AFG2A: variants seen among roughly 807,000 people sequenced by gnomAD.
AFG2A encodes the protein ATPase family gene 2 protein homolog A.
At chr4:123,007,650 C>CAG in the AFG2A span, among the ~76,000 whole-genome samples, 15 of 48,640 alleles carry the variant, frequency 3.1e-4, no homozygotes, top group Admixed American at 6.5e-4. Context: ...ACAACACACA[C>CAG]ACACACACAC....
the AFG2A span, chr4:122,929,118 G>T: frequency 7.0e-5 from 113 of 1,613,596 alleles, no homozygotes; most frequent in African/African-American, 1.3e-3. Flanking sequence ...AAATGTGGGT[G>T]TGAGGCCTGG....
At chr4:122,990,691 C>T in the AFG2A span, among the ~76,000 whole-genome samples, 1 of 152,100 alleles carries the variant, frequency 6.6e-6, no homozygotes, top group Admixed American at 6.5e-5. Context: ...TCTGCTCAAA[C>T]GATCCTCCTG....
At chr4:123,141,007 C>G in the AFG2A span, among the ~76,000 whole-genome samples, 1 of 152,032 alleles carries the variant, frequency 6.6e-6, no homozygotes, top group Non-Finnish European at 1.5e-5. Context: ...TAGAATATAA[C>G]ACACAATTTT....
the AFG2A span, among the ~76,000 whole-genome samples, chr4:123,289,381 A>G: frequency 6.6e-6 from 1 of 152,154 alleles, no homozygotes; most frequent in Non-Finnish European, 1.5e-5. Flanking sequence ...ATTCCATGGT[A>G]TATATACCAC....
chr4:122,977,744 T>G, the AFG2A span, among the ~76,000 whole-genome samples: 1 of 152,226 alleles, frequency 6.6e-6, no homozygotes, highest in Non-Finnish European at 1.5e-5. Context: ...TGTGGACAGC[T>G]GGAGGGTGAG....
At chr4:122,930,201 ATTGT>A in the AFG2A span, among the ~76,000 whole-genome samples, 6 of 152,348 alleles carry the variant, frequency 3.9e-5, 1 homozygote, top group Admixed American at 3.9e-4. Context: ...CCACAGGGTA[ATTGT>A]TTGAATCTAC....
At chr4:122,933,583 A>G in the AFG2A span, 11 of 985,692 alleles carry the variant, frequency 1.1e-5, no homozygotes, top group African/African-American at 9.9e-5. Flanking sequence ...TTATATATGC[A>G]TAGTAGTTTT....
At chr4:123,259,970 A>G in the AFG2A span, 3 of 152,152 alleles carry the variant, frequency 2.0e-5, no homozygotes, top group Non-Finnish European at 4.4e-5. Flanking sequence ...GGGATCACCA[A>G]TTTGTGAGGG....
At chr4:123,125,465 T>C in the AFG2A span, among the ~76,000 whole-genome samples, 67 of 152,340 alleles carry the variant, frequency 4.4e-4, no homozygotes, top group African/African-American at 1.6e-3. Context: ...TTGTTCCATC[T>C]AGTTTCTGTA....
chr4:122,954,386 C>T, the AFG2A span, among the ~76,000 whole-genome samples: 1 of 152,204 alleles, frequency 6.6e-6, no homozygotes, highest in Non-Finnish European at 1.5e-5. Flanking sequence ...TACCATCTTT[C>T]AGGCAGAGAC....
chr4:123,171,387 G>A, the AFG2A span, among the ~76,000 whole-genome samples: 7 of 151,840 alleles, frequency 4.6e-5, no homozygotes, highest in Non-Finnish European at 8.8e-5. Context: ...AAGCAGATAA[G>A]GTAAAAGCAC....
the AFG2A span, among the ~76,000 whole-genome samples, chr4:122,961,063 A>G: frequency 5.3e-5 from 8 of 152,180 alleles, no homozygotes; most frequent in Admixed American, 2.0e-4. Context: ...GCTGATAAAC[A>G]TTGAGCAAGC....
the AFG2A span, among the ~76,000 whole-genome samples, chr4:123,192,143 C>T: frequency 6.6e-6 from 1 of 152,008 alleles, no homozygotes; most frequent in African/African-American, 2.4e-5. Context: ...TCTCGTGCCT[C>T]AGCTTCCTGA....
At chr4:123,202,684 G>A in the AFG2A span, among the ~76,000 whole-genome samples, 1 of 152,106 alleles carries the variant, frequency 6.6e-6, no homozygotes, top group Admixed American at 6.5e-5. Flanking sequence ...TGTGTGCAAT[G>A]CAATTTGACC....
At chr4:123,180,333 G>A in the AFG2A span, among the ~76,000 whole-genome samples, 2 of 152,024 alleles carry the variant, frequency 1.3e-5, no homozygotes, top group African/African-American at 2.4e-5. Context: ...CCTCTTTGGT[G>A]GTAGGAGACA....
chr4:123,022,982 C>T, the AFG2A span, among the ~76,000 whole-genome samples: 1 of 137,128 alleles, frequency 7.3e-6, no homozygotes, highest in Non-Finnish European at 1.5e-5. Flanking sequence ...GGGAATTGAA[C>T]AATGAGAACA....
At chr4:122,978,934 A>AG in the AFG2A span, among the ~76,000 whole-genome samples, 1 of 152,190 alleles carries the variant, frequency 6.6e-6, no homozygotes, top group Non-Finnish European at 1.5e-5. Flanking sequence ...CTGTTGGGGC[A>AG]GGGGGTGCTT....
the AFG2A span, among the ~76,000 whole-genome samples, chr4:123,227,422 G>C: frequency 6.6e-6 from 1 of 151,978 alleles, no homozygotes; most frequent in Admixed American, 6.6e-5. Context: ...CTTTGTTCTC[G>C]TTGGTTTCAA....
At chr4:123,050,739 C>CTTTTTTTTTTTTTTTTTTT in the AFG2A span, among the ~76,000 whole-genome samples, 1 of 140,304 alleles carries the variant, frequency 7.1e-6, no homozygotes, top group African/African-American at 2.6e-5. Flanking sequence ...ATAGTTGTGT[C>CTTTTTTTTTTTTTTTTTTT]TTTTTTTTTT....
Sources: allele counts gnomAD v4.1 joint callset (sites outside exome capture counted in the v4.1 genomes callset), GRCh38; gene constraint gnomAD v4.1.1; transcripts MANE v1.5; gene names NCBI Gene and HGNC (gene_info 2026-07-23, HGNC 2026-07-21).